Variants in DUOX2 observed in about 807,000 individuals in gnomAD.
DUOX2 encodes dual oxidase 2.
In DUOX2, 185 loss-of-function variants were observed where a neutral mutation model predicts 183.3. The observed-to-expected ratio is 1.01, with a 90% CI of 0.90 to 1.14. The LOEUF (loss-of-function observed/expected upper bound fraction) is 1.14, where lower values mean the gene tolerates loss of function less well. Among genes scored for constraint, DUOX2 ranks in the 50% most tolerant of loss-of-function variants. DUOX2 has a pLI of 0.00. For synonymous variants in DUOX2, 788 were observed against 812.4 expected (o/e 0.97, Z 0.51); for missense variants, 1,999 against 2,022.9 (o/e 0.99, Z 0.23).
At position 45,111,771 on chromosome 15, in the gene DUOX2, G is replaced by A. The variant is rs1290952957; in HGVS notation, c.510C>T (p.Asp170=). The change falls in exon 5 of 34, where the codon GAC becomes GAT. Residue 170 remains aspartate, a synonymous_variant. Transcript: ENST00000389039. ...CCCGCCGCCTTCCCCGCCTCACCAG[G>A]TCCCGGGGGTTGCTGGGACTCCGTC... ...ETGRSPSNPR[D]LANQVTGWLD... 1.2e-6 allele frequency: 2 copies of A among 1,600,076 alleles called. No homozygotes were observed. The highest frequency in any genetic ancestry group is 1.7e-6 in the Non-Finnish European group (2 of 1,173,918).
In DUOX2 at chr15:45,093,980, A is replaced by G; in HGVS notation, c.*170T>C. 1.2e-6 allele frequency: 1 copy of G among 833,700 alleles called. No individual in the cohort carries two copies. Among genetic ancestry groups the G allele is most frequent in the Non-Finnish European group, 1.9e-6 (1 of 517,418 alleles). 51.6% of individuals were successfully genotyped at this position (833,700 alleles called of 1,614,324 possible). On this transcript the variant is annotated 3_prime_UTR_variant, in exon 34 of 34. Transcript: ENST00000389039. ...AGAACATAGTCTCCTGCCTTTTCTC[A>G]TTTGTATAATTGTCTGGGTCAATAT...
Position 45,096,077 on chromosome 15 carries a change from G to A in DUOX2, c.3848-17C>T. The stretch of plus-strand genomic sequence containing the variant: ...AGGTCACTCCTGGAGGTCATAGACA[G>A]GGAAAAGCACAGATGAGAAGGCCTG... On this transcript the variant is annotated splice_polypyrimidine_tract_variant and intron_variant, in intron 29 of 33. Transcript: ENST00000389039. The A allele has an allele frequency of 1.9e-6, 3 of 1,608,294 alleles. No individual in the cohort carries two copies. In the South Asian group the frequency reaches 3.3e-5, roughly 18 times the overall value.
intron 17 of DUOX2, 27 bp from the exon 18 acceptor site, chr15:45,105,855 G>T: frequency 6.2e-7 from 1 of 1,613,354 alleles, no homozygotes; most frequent in Non-Finnish European, 8.5e-7. Flanking sequence ...CGGCACTGAC[G>T]CAGGGAGCTC....
chr15:45,112,697 A>T lies in DUOX2; in HGVS notation c.182T>A (p.Val61Glu). The change falls in exon 4 of 34, where the codon GTA becomes GAA. Residue 61 changes from valine to glutamate, a missense_variant. By Grantham distance (121) the Val-to-Glu change is moderately radical. Coordinates refer to ENST00000389039, the MANE Select transcript of DUOX2 (RefSeq NM_001363711.2). ...CACACCGTCGGCGTAATTGGCTGGTACGCGGCGCTGCAACCGGCAGCCTGC... is the reference window on the plus strand; with the variant it reads ...CACACCGTCGGCGTAATTGGCTGGTTCGCGGCGCTGCAACCGGCAGCCTGC... ...GAVGCRLQRR[V>E]PANYADGVYQ... is the part of the protein sequence containing the mutation. 6.2e-7 allele frequency: 1 copy of T among 1,612,238 alleles called. No homozygotes were observed. The highest frequency in any genetic ancestry group is 8.5e-7 in the Non-Finnish European group (1 of 1,179,876).
intron 3 of DUOX2, 99 bp downstream of exon 3, chr15:45,112,888 G>T (rs939631824): frequency 9.7e-6 from 15 of 1,548,882 alleles, no homozygotes; most frequent in Non-Finnish European, 1.2e-5. Context: ...CAGCGGAGCT[G>T]CTGGGCGCGT....
intron 18 of DUOX2, 38 bp downstream of exon 18, chr15:45,105,605 G>C (rs1402178454): frequency 6.2e-7 from 1 of 1,613,594 alleles, no homozygotes; most frequent in Admixed American, 1.7e-5. Flanking sequence ...TCCATTTCTG[G>C]GGCTGGACCC....
At chr15:45,102,163 G>A (rs1321266569) in intron 20 of DUOX2, among the ~76,000 whole-genome samples, 174 bp from the exon 21 acceptor site, 1 of 152,170 alleles carries the variant, frequency 6.6e-6, no homozygotes, top group Non-Finnish European at 1.5e-5. Context: ...GGGTAGCCAT[G>A]GACTCAAAAG....
At chr15:45,113,281 C>T (rs1030906995) in intron 2 of DUOX2, 61 bp downstream of exon 2, 310 of 1,539,930 alleles carry the variant, frequency 2.0e-4, no homozygotes, top group Non-Finnish European at 2.6e-4. Flanking sequence ...CGCACCTCTC[C>T]CCGCCCCACC....
At chr15:45,097,468 G>T in intron 28 of DUOX2, 77 bp from the exon 29 acceptor site, 1 of 1,612,860 alleles carries the variant, frequency 6.2e-7, no homozygotes, top group Non-Finnish European at 8.5e-7. Flanking sequence ...CAGGCACTAG[G>T]CCTGTGCCGG....
At position 45,095,567 on chromosome 15, in the gene DUOX2, C is replaced by T. The variant is rs201795772; in HGVS notation, c.4109G>A (p.Gly1370Asp). ...CTCAAATTTATGCCACTCCTGATGG[C>T]CCTCTCCAAACGGTCCATCAAGGTA... ...KLYLDGPFGE[G>D]HQEWHKFEVS... The change falls in exon 31 of 34, where the codon GGC (glycine) becomes GAC (aspartate). Residue 1370 changes from glycine to aspartate, a missense_variant. Around this residue, in one of 3 missense-constraint regions of DUOX2, gnomAD observed 1,628 missense variants for 1,608.6 expected, o/e 1.01. Transcript: ENST00000389039. The T allele has an allele frequency of 9.0e-5, 145 of 1,614,190 alleles. No homozygotes were observed. The highest frequency in any genetic ancestry group is 2.2e-5 in the South Asian group (2 of 91,076).
Position 45,106,326 on chromosome 15 carries a change from C to T in DUOX2, c.1947G>A (p.Ala649=), listed in dbSNP as rs549920987. The change falls in exon 17 of 34, where the codon GCG becomes GCA. Residue 649 remains alanine, a splice_region_variant and synonymous_variant. Transcript: ENST00000389039. ...KKEAAKDGVP[A]MEWPGPKERS... ...TCTCCTTGGGGCCTGGCCACTCCAT[C>T]GCTGGGGAAGGGATAATTGGGCCGG... 8.1e-6 allele frequency: 13 copies of T among 1,613,904 alleles called. No individual in the cohort carries two copies. The highest frequency in any genetic ancestry group is 2.7e-5 in the African/African-American group (2 of 75,040).
In DUOX2 at chr15:45,111,566, C is replaced by A. The variant is rs190660925; in HGVS notation, c.533G>T (p.Trp178Leu). 319 of 1,546,814 alleles carry A rather than the reference C, an allele frequency of 2.1e-4. No individual in the cohort carries two copies. The highest frequency in any genetic ancestry group is 2.7e-4 in the Admixed American group (14 of 51,886). ...PRDLANQVTGWLDGSAIYGSS... is the reference protein window; with the variant it reads ...PRDLANQVTGLLDGSAIYGSS... ...GCCATAGATGGCGCTGCCGTCCAGC[C>A]AGCCCGTCACCTGGTTGGCCTGCGG... Residue 178 changes from tryptophan to leucine, a missense_variant, in exon 6 of 34, where the codon TGG becomes TTG. Trp to Leu is a moderately conservative substitution (Grantham distance 61). Coordinates refer to ENST00000389039, the MANE Select transcript of DUOX2 (RefSeq NM_001363711.2).
rs370772159 is a variant in DUOX2, at chr15:45,100,136, C to T, written c.3098G>A (p.Arg1033His). Residue 1033 changes from arginine (R) to histidine (H), a missense_variant, in exon 24 of 34, where the codon CGC (arginine) becomes CAC (histidine). Transcript: ENST00000389039. The part of the protein sequence containing the change: ...FLAQKLQQYK[R>H]FVENYRRHIV... ...GTGCCTCCGGTAGTTCTCCACGAAG[C>T]GCTTGTACTGCTGCAGCTTTTGGGC... The T allele has an allele frequency of 3.6e-5, 58 of 1,614,218 alleles. No individual in the cohort carries two copies. The highest frequency in any genetic ancestry group is 2.2e-5 in the South Asian group (2 of 91,088).
intron 29 of DUOX2, among the ~76,000 whole-genome samples, chr15:45,096,909 G>A (rs1859500101): frequency 6.6e-6 from 1 of 152,158 alleles, no homozygotes; most frequent in African/African-American, 2.4e-5. Flanking sequence ...ACAGGCATAT[G>A]TGGCTTCCTG....
chr15:45,095,859 G>A lies in DUOX2; in HGVS notation c.4049C>T (p.Pro1350Leu), dbSNP rs140035596. The A allele has an allele frequency of 1.9e-4, 308 of 1,614,064 alleles. No homozygotes were observed. The highest frequency in any genetic ancestry group is 8.9e-4 in the South Asian group (81 of 91,066). ...TTRLREIYSS[P>L]KGNGCAGYPK... ...GTATCCAGCACAGCCATTGCCCTTT[G>A]GGGATGAGTAGATCTCCCTGAGGCG... The change falls in exon 30 of 34, where the codon CCA becomes CTA. Residue 1350 changes from proline (P) to leucine (L), a missense_variant. Pro to Leu is a moderately conservative substitution (Grantham distance 98). Coordinates refer to ENST00000389039, the MANE Select transcript of DUOX2 (RefSeq NM_001363711.2).
chr15:45,095,704 G>A, intron 30 of DUOX2, 109 bp from the exon 31 acceptor site: 1 of 1,564,308 alleles, frequency 6.4e-7, no homozygotes, highest in Non-Finnish European at 8.7e-7. Context: ...TCTTTTCTGA[G>A]GCACCCCGGT....
intron 22 of DUOX2, 73 bp downstream of exon 22, chr15:45,101,132 C>A: frequency 7.3e-7 from 1 of 1,378,948 alleles, no homozygotes; most frequent in Non-Finnish European, 1.0e-6. Flanking sequence ...GGCTGATCAG[C>A]CAGTCCTACT....
At chr15:45,112,461 G>C in intron 4 of DUOX2, 93 bp downstream of exon 4, 5 of 1,512,620 alleles carry the variant, frequency 3.3e-6, no homozygotes, top group Non-Finnish European at 4.5e-6. Context: ...GAGTCGGATG[G>C]GTCTCCTGTG....
chr15:45,111,189 C>A lies in DUOX2; in HGVS notation c.804G>T (p.Arg268Ser), dbSNP rs935823417. The A allele has an allele frequency of 4.8e-6, 6 of 1,262,106 alleles. No homozygotes were observed. The highest frequency in any genetic ancestry group is 6.5e-6 in the Non-Finnish European group (6 of 919,242). The allele number at this position is 1,262,106 out of a possible 1,614,324, so 78.2% of individuals were successfully genotyped here. The change falls in exon 7 of 34, where the codon AGG (arginine) becomes AGT (serine). Residue 268 changes from arginine (R) to serine (S), a missense_variant. Arg to Ser is a moderately radical substitution (Grantham distance 110). This residue lies in a region of DUOX2 where 15 missense variants were observed against 57.9 expected (regional missense o/e 0.26). Transcript: ENST00000389039. The part of the protein sequence containing the change: ...WFRYHNLWAQ[R>S]LARQHPDWED... ...CCCAGTCTGGGTGCTGGCGGGCCAGCCTCTGCGCCCACAGGTTGTGGTAGC... is the reference window on the plus strand; with the variant it reads ...CCCAGTCTGGGTGCTGGCGGGCCAGACTCTGCGCCCACAGGTTGTGGTAGC...
Sources: allele counts gnomAD v4.1 joint callset (sites outside exome capture counted in the v4.1 genomes callset), GRCh38; gene constraint gnomAD v4.1.1; regional missense constraint gnomAD v4.1.1; transcripts MANE v1.5; gene names NCBI Gene and HGNC (gene_info 2026-07-23, HGNC 2026-07-21).